The following ALAS2 variants were observed in gnomAD, a reference collection of about 807,000 sequenced individuals.
ALAS2 encodes 5'-aminolevulinate synthase 2.
ALAS2 carries 3 observed loss-of-function variants against 33.7 expected under a neutral mutation model. That is an observed-to-expected ratio of 0.09 (90% confidence interval 0.04 to 0.23). The LOEUF (loss-of-function observed/expected upper bound fraction) is 0.23. ALAS2 is among the 10% of genes least tolerant of loss of function. The pLI, the probability that ALAS2 is intolerant of heterozygous loss-of-function variation, is 1.00. For missense variants in ALAS2, 304 were observed against 475.1 expected, an observed-to-expected ratio of 0.64 and a Z score of 3.35; for synonymous variants, 191 against 177.3, an observed-to-expected ratio of 1.08 and a Z score of -0.61.
chrX:55,015,648 C>T lies in ALAS2; in HGVS notation c.1098G>A (p.Gly366=). Residue 366 remains glycine (G), a synonymous_variant, in exon 8 of 11, where the codon GGG becomes GGA. Transcript: ENST00000650242. ...GCTCCCCAATCCCAGCGCCCCGGGA[C>T]CCATACAGTCCTACAGCATGGACCT... The part of the protein sequence containing the change: ...VDEVHAVGLY[G]SRGAGIGERD... 2 of 1,211,268 alleles carry T rather than the reference C, an allele frequency of 1.7e-6. No individual in the cohort carries two copies. The highest frequency in any genetic ancestry group is 1.1e-6 in the Non-Finnish European group (1 of 895,193).
intron 8 of ALAS2, 139 bp from the exon 9 acceptor site, chrX:55,015,154 C>T (rs1935677838): frequency 1.5e-6 from 1 of 671,040 alleles, no homozygotes; most frequent in African/African-American, 2.2e-5. Flanking sequence ...CTCATCTGTC[C>T]ATGACAAGGC....
chrX:55,023,220 G>GTGTGTA (rs944048646), intron 4 of ALAS2, among the ~76,000 whole-genome samples: 3 of 110,327 alleles, frequency 2.7e-5, no homozygotes, highest in African/African-American at 9.9e-5. Flanking sequence ...GTGTGTGTGT[G>GTGTGTA]TGTGTAGCCA....
At chrX:55,029,565 A>G (rs1481877625) in intron 1 of ALAS2, among the ~76,000 whole-genome samples, 1 of 111,413 alleles carries the variant, frequency 9.0e-6, no homozygotes, top group Non-Finnish European at 1.9e-5. Flanking sequence ...CTGACTCTAG[A>G]CATTTATCTC....
intron 9 of ALAS2, 114 bp from the exon 10 acceptor site, chrX:55,013,762 A>AT (rs944857777): frequency 1.7e-3 from 1,463 of 884,475 alleles, no homozygotes; most frequent in African/African-American, 4.6e-3. Flanking sequence ...TTTGGGATAG[A>AT]TTTTTTTTTT....
chrX:55,020,590 G>A (rs1343907342), intron 5 of ALAS2, 86 bp from the exon 6 acceptor site: 1 of 919,018 alleles, frequency 1.1e-6, no homozygotes, highest in Non-Finnish European at 1.5e-6. Context: ...TCCTTGATGG[G>A]AGTCAATGTT....
chrX:55,015,320 A>G (rs1274661625), intron 8 of ALAS2, among the ~76,000 whole-genome samples: 1 of 111,537 alleles, frequency 9.0e-6, no homozygotes, highest in African/African-American at 3.3e-5. Context: ...GGAGGGGTTT[A>G]GAAACACAGC....
chrX:55,009,432 C>A, intron 10 of ALAS2, 89 bp from the exon 11 acceptor site: 5 of 950,294 alleles, frequency 5.3e-6, no homozygotes, highest in Non-Finnish European at 7.2e-6. Flanking sequence ...AGATATTGAT[C>A]CCCCTCAACC....
rs199826743 is a variant in ALAS2 at position 55,013,519 on chromosome X, G to T, written c.1567C>A (p.His523Asn). ...EELLRLAPSP[H>N]HSPQMMEDFV... ...TCTTCCATCATCTGAGGGCTGTGGT[G>T]GGGGGAGGGTGCCAAGCGCAGGAGC... The change falls in exon 10 of 11, where the codon CAC becomes AAC. Residue 523 changes from histidine (H) to asparagine (N), a missense_variant. This residue lies in a region of ALAS2 where 95 missense variants were observed against 127.0 expected (regional missense o/e 0.75). Coordinates refer to ENST00000650242, the MANE Select transcript of ALAS2 (RefSeq NM_000032.5). 1 of 1,210,475 alleles carries T rather than the reference G, an allele frequency of 8.3e-7. No individual in the cohort carries two copies. Among genetic ancestry groups the T allele is most frequent in the South Asian group, 1.8e-5 (1 of 56,786 alleles).
chrX:55,020,633 G>A, intron 5 of ALAS2, 129 bp from the exon 6 acceptor site: 1 of 662,743 alleles, frequency 1.5e-6, no homozygotes, highest in South Asian at 2.7e-5. Flanking sequence ...TGTGTCCTAT[G>A]AGACAAAGTA....
chrX:55,018,772 G>T (rs917463728), intron 6 of ALAS2, among the ~76,000 whole-genome samples: 3 of 110,981 alleles, frequency 2.7e-5, no homozygotes, highest in African/African-American at 9.8e-5. Context: ...TTTTGACCAG[G>T]GCTGAGGGTG....
chrX:55,010,478 T>G (rs1935583547), intron 10 of ALAS2, among the ~76,000 whole-genome samples: 1 of 111,453 alleles, frequency 9.0e-6, no homozygotes, highest in Admixed American at 9.5e-5. Context: ...TCAATTTTTC[T>G]GTCTCCCACT....
intron 9 of ALAS2, among the ~76,000 whole-genome samples, chrX:55,014,352 T>G (rs1382053900): frequency 8.9e-6 from 1 of 111,813 alleles, no homozygotes; most frequent in African/African-American, 3.3e-5. Context: ...ATACAAATTT[T>G]TCACAAATTG....
At chrX:55,012,035 AG>A (rs1935609696) in intron 10 of ALAS2, among the ~76,000 whole-genome samples, 1 of 112,165 alleles carries the variant, frequency 8.9e-6, no homozygotes. Flanking sequence ...TAAAGTGTTT[AG>A]AACAGTGCTT....
chrX:55,021,373 T>C, intron 4 of ALAS2, 99 bp from the exon 5 acceptor site: 1 of 657,959 alleles, frequency 1.5e-6, no homozygotes, highest in Non-Finnish European at 2.5e-6. Context: ...TCTCCAACTC[T>C]TTTTCCACAT....
intron 10 of ALAS2, among the ~76,000 whole-genome samples, chrX:55,011,894 T>A (rs571662002): frequency 1.8e-5 from 2 of 111,577 alleles, no homozygotes; most frequent in South Asian, 7.6e-4. Context: ...CAGTTGCAAC[T>A]TAGAAGCTGT....
intron 2 of ALAS2, among the ~76,000 whole-genome samples, chrX:55,025,413 C>T (rs1935874970): frequency 9.0e-6 from 1 of 111,479 alleles, no homozygotes; most frequent in East Asian, 2.8e-4. Flanking sequence ...TGGCTCACTG[C>T]AACCTCCGCC....
chrX:55,016,536 C>T (rs1440117540), intron 7 of ALAS2, among the ~76,000 whole-genome samples: 1 of 111,575 alleles, frequency 9.0e-6, no homozygotes, highest in Non-Finnish European at 1.9e-5. Flanking sequence ...GTTTTAGAGC[C>T]TGTGTGTATA....
At chrX:55,011,654 A>T (rs949550394) in intron 10 of ALAS2, among the ~76,000 whole-genome samples, 6 of 112,058 alleles carry the variant, frequency 5.4e-5, no homozygotes, top group Middle Eastern at 4.6e-3. Flanking sequence ...GGATTTCAGG[A>T]TGGATTGGCT....
intron 1 of ALAS2, among the ~76,000 whole-genome samples, chrX:55,030,445 C>T (rs1357611062): frequency 9.0e-6 from 1 of 111,555 alleles, no homozygotes; most frequent in Non-Finnish European, 1.9e-5. Context: ...CCCATGGGCT[C>T]TGACCCACTG....
Sources: gnomAD v4.1 joint callset for allele counts (sites outside exome capture counted in the v4.1 genomes callset) on GRCh38, gnomAD v4.1.1 for gene constraint, gnomAD v4.1.1 regional missense constraint, MANE v1.5 for transcripts, NCBI Gene and HGNC (gene_info 2026-07-23, HGNC 2026-07-21) for gene names.